The following PHC2 variants were observed in gnomAD, a reference collection of about 807,000 sequenced individuals.
PHC2 encodes the protein polyhomeotic-like protein 2.
PHC2 carries 29 observed loss-of-function variants against 87.4 expected under a neutral mutation model. The ratio of observed to expected loss-of-function variants is 0.33; its 90% CI spans 0.25 to 0.45. The LOEUF is 0.45. Ranked by LOEUF, PHC2 falls within the 20% of genes least tolerant of loss-of-function variation. The pLI, the probability that PHC2 is intolerant of heterozygous loss-of-function variation, is 1.00. For missense variants in PHC2, 857 were observed against 1,136.7 expected (o/e 0.75, Z 3.54); for synonymous variants, 438 against 461.7 (o/e 0.95, Z 0.66).
At chr1:33,399,461 G>A (rs543032997) in intron 1 of PHC2, among the ~76,000 whole-genome samples, 34 of 152,274 alleles carry the variant, frequency 2.2e-4, no homozygotes, top group African/African-American at 8.2e-4. Context: ...TTGGCTCCAC[G>A]TTTTCCTGTC....
At chr1:33,404,690 G>C (rs1227468375) in intron 1 of PHC2, among the ~76,000 whole-genome samples, 1 of 152,178 alleles carries the variant, frequency 6.6e-6, no homozygotes, top group African/African-American at 2.4e-5. Flanking sequence ...CTGGGATAGA[G>C]TGATGAGCAA....
chr1:33,356,254 T>TATATATATAC (rs1553185640), intron 7 of PHC2, among the ~76,000 whole-genome samples: 2 of 33,888 alleles, frequency 5.9e-5, no homozygotes, highest in African/African-American at 1.3e-4. Flanking sequence ...AATTCTTATA[T>TATATATATAC]ATATATATAT....
chr1:33,351,988 G>GAT (rs58482305), intron 9 of PHC2, among the ~76,000 whole-genome samples: 3,394 of 150,748 alleles, frequency 0.023, 136 homozygotes, highest in African/African-American at 0.075. Context: ...ACACAGAATG[G>GAT]ATATTTAAGT....
chr1:33,371,238 C>A, intron 3 of PHC2, 144 bp from the exon 4 acceptor site: 1 of 673,062 alleles, frequency 1.5e-6, no homozygotes, highest in Non-Finnish European at 2.7e-6. Context: ...TCTATGTGGC[C>A]CACAGCAAGT....
At chr1:33,381,275 AC>A (rs1648477659) in intron 1 of PHC2, among the ~76,000 whole-genome samples, 1 of 151,956 alleles carries the variant, frequency 6.6e-6, no homozygotes, top group South Asian at 2.1e-4. Context: ...TTCCCATAAT[AC>A]CTTGTGCTTC....
chr1:33,324,366 G>T lies in PHC2; in HGVS notation c.*499C>A, dbSNP rs955278540. 6.5e-6 allele frequency: 1 copy of T among 153,616 alleles called. No homozygotes were observed. The highest frequency in any genetic ancestry group is 1.5e-5 in the Non-Finnish European group (1 of 68,768). 9.5% of individuals were successfully genotyped at this position (153,616 alleles called of 1,614,324 possible). On this transcript the variant is annotated 3_prime_UTR_variant, in exon 15 of 15. Coordinates refer to ENST00000683057, the MANE Select transcript of PHC2 (RefSeq NM_001385109.1). ...TCTCTCTCCACCTGCAGAGGGTGTAGGGGGGAGAACCCTGGCTGCTGCAGA... is the reference window on the plus strand; with the variant it reads ...TCTCTCTCCACCTGCAGAGGGTGTATGGGGGAGAACCCTGGCTGCTGCAGA...
At chr1:33,411,028 T>C (rs75530167) in intron 1 of PHC2, among the ~76,000 whole-genome samples, 1 of 152,342 alleles carries the variant, frequency 6.6e-6, no homozygotes, top group Non-Finnish European at 1.5e-5. Context: ...TTATGATTAC[T>C]AGTGCAAAAT....
rs189404681 is a variant in PHC2 at position 33,323,785 on chromosome 1, C to T, written c.*1080G>A. The T allele has an allele frequency of 9.3e-4, 142 of 152,798 alleles. 2 individuals are homozygous for T. Among genetic ancestry groups the T allele is most frequent in the East Asian group, 4.1e-3 (21 of 5,184 alleles). 9.5% of individuals were successfully genotyped at this position (152,798 alleles called of 1,614,324 possible). A position where few individuals can be genotyped will look rare whatever the true frequency, so the allele number is the denominator to read the frequency against. On this transcript the variant is annotated 3_prime_UTR_variant, in exon 15 of 15. Transcript: ENST00000683057. ...GGCAGGTCAGAGGCAGGCCCTCGCC[C>T]TTTCTGCCCTGCCTCCTCCTCAGGT... is the stretch of plus-strand genomic sequence containing the variant.
intron 9 of PHC2, chr1:33,347,699 A>G (rs554778349): frequency 1.4e-4 from 141 of 985,448 alleles, no homozygotes; most frequent in Middle Eastern, 1.0e-3. Flanking sequence ...AAAGATGTCT[A>G]TTCTTCCCTG....
At chr1:33,339,123 C>T (rs1444590392) in intron 9 of PHC2, among the ~76,000 whole-genome samples, 1 of 152,120 alleles carries the variant, frequency 6.6e-6, no homozygotes, top group Non-Finnish European at 1.5e-5. Flanking sequence ...TGGGACTGGT[C>T]ACGTCTCCTA....
rs144906275 is a variant in PHC2, at chr1:33,334,277, A to G, written c.1574T>C (p.Ile525Thr). 21 of 1,612,298 alleles carry G rather than the reference A, an allele frequency of 1.3e-5. No homozygotes were observed. The highest frequency in any genetic ancestry group is 1.6e-5 in the Non-Finnish European group (19 of 1,179,400). Residue 525 changes from isoleucine (I) to threonine (T), a missense_variant, in exon 10 of 15, where the codon ATT becomes ACT. This residue lies in a region of PHC2 where 832 missense variants were observed against 1,081.8 expected (regional missense o/e 0.77). Transcript: ENST00000683057. The surrounding 1 kb of genome is among the most constrained non-coding windows in gnomAD (Gnocchi z 5.5). ...PSPAHETGQG[I>T]VHALTDLSSP... ...GCTGAGGTCGGTCAGTGCATGAACA[A>G]TGCCCTGCCCTGTCTCTGCACGAGA...
chr1:33,397,990 A>T (rs1338725192), intron 1 of PHC2, among the ~76,000 whole-genome samples: 1 of 152,160 alleles, frequency 6.6e-6, no homozygotes, highest in Non-Finnish European at 1.5e-5. Flanking sequence ...AAAAATACTT[A>T]AAAATTAATT....
intron 9 of PHC2, among the ~76,000 whole-genome samples, chr1:33,352,167 G>A (rs987588403): frequency 6.6e-5 from 10 of 152,250 alleles, no homozygotes; most frequent in African/African-American, 2.4e-4. Flanking sequence ...AGGGGTTTCT[G>A]GATTACAAAC....
At chr1:33,330,624 T>C (rs777282376) in intron 12 of PHC2, among the ~76,000 whole-genome samples, 4 of 152,222 alleles carry the variant, frequency 2.6e-5, no homozygotes, top group Non-Finnish European at 5.9e-5. Flanking sequence ...GGGCTGAAGA[T>C]AGCTGAACTC....
At position 33,334,298 on chromosome 1, in the gene PHC2, C is replaced by T. The variant is rs112519810; in HGVS notation, c.1559-6G>A. The T allele has an allele frequency of 1.4e-5, 22 of 1,611,452 alleles. No individual in the cohort carries two copies. Among genetic ancestry groups the T allele is most frequent in the African/African-American group, 9.3e-5 (7 of 74,896 alleles). On this transcript the variant is annotated splice_polypyrimidine_tract_variant and splice_region_variant and intron_variant, in intron 9 of 14. Transcript: ENST00000683057. This position sits in a 1 kb window ranked among gnomAD's most constrained non-coding sequence, Gnocchi z 5.5. ...AACAATGCCCTGCCCTGTCTCTGCA[C>T]GAGAGAGAGTAGGAAAACAAAGCAG...
chr1:33,328,586 G>C (rs957587708), intron 14 of PHC2, among the ~76,000 whole-genome samples: 3 of 151,940 alleles, frequency 2.0e-5, no homozygotes, highest in Non-Finnish European at 4.4e-5. Context: ...TCTCTCCCAG[G>C]AGAGAGAGAC....
intron 1 of PHC2, among the ~76,000 whole-genome samples, chr1:33,384,363 C>T (rs1648637315): frequency 1.3e-5 from 2 of 152,180 alleles, no homozygotes; most frequent in South Asian, 4.1e-4. Flanking sequence ...TTAAAAGGGG[C>T]AGTCATCATT....
chr1:33,385,181 A>C (rs1348326615), intron 1 of PHC2, among the ~76,000 whole-genome samples: 1 of 152,222 alleles, frequency 6.6e-6, no homozygotes, highest in East Asian at 1.9e-4. Flanking sequence ...GGTCCTGGCC[A>C]AAAGGCTGGG....
At chr1:33,330,685 T>G (rs556693287) in intron 12 of PHC2, among the ~76,000 whole-genome samples, 6 of 152,322 alleles carry the variant, frequency 3.9e-5, no homozygotes, top group Admixed American at 2.0e-4. Context: ...TTTCTTCTCT[T>G]CTGGGATTTC....
Sources: gnomAD v4.1 joint callset for allele counts (sites outside exome capture counted in the v4.1 genomes callset) on GRCh38, gnomAD v4.1.1 for gene constraint, gnomAD v4.1.1 regional missense constraint, Gnocchi (gnomAD v3.1) non-coding constraint, MANE v1.5 for transcripts, NCBI Gene and HGNC (gene_info 2026-07-23, HGNC 2026-07-21) for gene names.